The following CSMD1 variants were observed in gnomAD, a reference collection of about 807,000 sequenced individuals.
CSMD1 encodes the protein CUB and Sushi multiple domains 1, also known as CUB and sushi domain-containing protein 1.
A neutral mutation model predicts 417.5 loss-of-function variants in CSMD1; 213 were observed. That is an observed-to-expected ratio of 0.51 (90% CI 0.46 to 0.57). The LOEUF is 0.57. Ranked by LOEUF, CSMD1 falls within the 20% of genes least tolerant of loss-of-function variation. The pLI is 0.00. For synonymous variants in CSMD1, 2,862 were observed against 1,736.8 expected (o/e 1.65, Z -16.11); for missense variants, 6,923 against 4,529.7 (o/e 1.53, Z -15.17).
intron 1 of CSMD1, among the ~76,000 whole-genome samples, chr8:4,846,040 G>C (rs897367430): frequency 6.6e-6 from 1 of 152,136 alleles, no homozygotes; most frequent in African/African-American, 2.4e-5. Context: ...TCCAGAATGA[G>C]CACTTTTGCC....
At chr8:3,211,423 T>G (rs1250793088) in intron 30 of CSMD1, among the ~76,000 whole-genome samples, 1 of 152,204 alleles carries the variant, frequency 6.6e-6, no homozygotes, top group Non-Finnish European at 1.5e-5. Flanking sequence ...GGTCAGTACC[T>G]GTAATGCGTG....
chr8:4,146,761 G>A (rs547949905), intron 3 of CSMD1, among the ~76,000 whole-genome samples: 1 of 149,238 alleles, frequency 6.7e-6, no homozygotes, highest in Non-Finnish European at 1.5e-5. Flanking sequence ...ACAGGCGCCC[G>A]GCACCAGACT....
At chr8:4,595,833 C>A (rs913717692) in intron 2 of CSMD1, among the ~76,000 whole-genome samples, 2 of 152,196 alleles carry the variant, frequency 1.3e-5, no homozygotes, top group Admixed American at 1.3e-4. Context: ...TGTTTTCCTT[C>A]CTGGACACTG....
chr8:3,091,096 A>G (rs1388696174), intron 48 of CSMD1, among the ~76,000 whole-genome samples: 2 of 152,082 alleles, frequency 1.3e-5, no homozygotes, highest in Non-Finnish European at 2.9e-5. Flanking sequence ...AAACATACAT[A>G]AAGAGACCTG....
intron 1 of CSMD1, among the ~76,000 whole-genome samples, chr8:4,983,593 A>G (rs1237312998): frequency 6.6e-6 from 1 of 152,106 alleles, no homozygotes; most frequent in African/African-American, 2.4e-5. Context: ...TGCAATCTCG[A>G]CTGACTGCAA....
chr8:4,215,401 A>C (rs1477766017), intron 3 of CSMD1, among the ~76,000 whole-genome samples: 1 of 152,202 alleles, frequency 6.6e-6, no homozygotes, highest in Admixed American at 6.5e-5. Flanking sequence ...GATTCAGGCA[A>C]AGATACCATG....
intron 68 of CSMD1, among the ~76,000 whole-genome samples, chr8:2,944,312 G>A (rs1014725676): frequency 6.6e-6 from 1 of 152,158 alleles, no homozygotes; most frequent in African/African-American, 2.4e-5. Context: ...AGGGGTTCTA[G>A]AGCCCTGGGG....
chr8:4,018,673 T>G (rs947915137), intron 4 of CSMD1, among the ~76,000 whole-genome samples: 1 of 152,242 alleles, frequency 6.6e-6, no homozygotes, highest in African/African-American at 2.4e-5. Context: ...TTGTAATATT[T>G]GTTTCTCAAT....
Position 4,185,336 on chromosome 8 carries a change from G to C in CSMD1, c.416-153237C>G, listed in dbSNP as rs374623673. ...CCTGTCTTAAAAAGGGCTCACAATAGTTTTGTCACAGGTTTACTATGAAGA... is the reference window on the plus strand; with the variant it reads ...CCTGTCTTAAAAAGGGCTCACAATACTTTTGTCACAGGTTTACTATGAAGA... On this transcript the variant is annotated intron_variant, in intron 3 of 69. Coordinates refer to ENST00000635120, the MANE Select transcript of CSMD1 (RefSeq NM_033225.6). Among the ~76,000 whole-genome samples the C allele has an allele frequency of 7.2e-5, 11 of 152,094 alleles. No individual in the cohort carries two copies. In the East Asian group the frequency reaches 1.7e-3, roughly 24 times the overall value.
At chr8:4,472,768 G>A (rs148406191) in intron 2 of CSMD1, among the ~76,000 whole-genome samples, 1 of 151,762 alleles carries the variant, frequency 6.6e-6, no homozygotes, top group African/African-American at 2.4e-5. Flanking sequence ...AATATAGAAA[G>A]TTATTTTAAA....
At chr8:3,501,897 A>G (rs564666678) in intron 10 of CSMD1, among the ~76,000 whole-genome samples, 8 of 152,346 alleles carry the variant, frequency 5.3e-5, no homozygotes, top group African/African-American at 1.7e-4. Context: ...CTGACCAAAT[A>G]TATCTACCAT....
chr8:3,846,520 G>A (rs1054954927), intron 5 of CSMD1, among the ~76,000 whole-genome samples: 2 of 152,170 alleles, frequency 1.3e-5, no homozygotes, highest in Non-Finnish European at 2.9e-5. Flanking sequence ...TATTTCACAG[G>A]AATGGTGGGT....
At chr8:4,002,726 T>C (rs1815786640) in intron 4 of CSMD1, among the ~76,000 whole-genome samples, 1 of 152,186 alleles carries the variant, frequency 6.6e-6, no homozygotes, top group Non-Finnish European at 1.5e-5. Context: ...TGATTAAATG[T>C]ACATCATAAA....
intron 3 of CSMD1, among the ~76,000 whole-genome samples, chr8:4,337,825 A>G (rs1290049940): frequency 1.3e-5 from 2 of 152,270 alleles, no homozygotes; most frequent in East Asian, 3.9e-4. Flanking sequence ...TAAATCAGGT[A>G]ATTATAAAAC....
intron 1 of CSMD1, among the ~76,000 whole-genome samples, chr8:4,824,488 G>A (rs550797771): frequency 6.6e-6 from 1 of 152,186 alleles, no homozygotes; most frequent in South Asian, 2.1e-4. Flanking sequence ...AAATAGAATG[G>A]TTTTTAAACA....
rs1395189459 is a variant in CSMD1, at chr8:3,031,544, T to C, written c.7661-2031A>G. Among the ~76,000 whole-genome samples the C allele has an allele frequency of 2.0e-5, 3 of 152,008 alleles. No homozygotes were observed. In the East Asian group the frequency reaches 5.8e-4, roughly 29 times the overall value. ...TTCTGCCAAGAATGACTCAACTTTG[T>C]TCTTTCTTTCTTTCTTTGTTGTTTC... On this transcript the variant is annotated intron_variant, in intron 50 of 69. Coordinates refer to ENST00000635120, the MANE Select transcript of CSMD1 (RefSeq NM_033225.6).
At chr8:4,587,727 T>TA (rs1216055145) in intron 2 of CSMD1, among the ~76,000 whole-genome samples, 11 of 152,334 alleles carry the variant, frequency 7.2e-5, no homozygotes, top group Non-Finnish European at 1.3e-4. Context: ...ACACTCTTCA[T>TA]AAAGTAAACA....
intron 6 of CSMD1, among the ~76,000 whole-genome samples, chr8:3,750,343 C>CAT (rs1244035263): frequency 2.0e-5 from 3 of 149,444 alleles, no homozygotes; most frequent in Non-Finnish European, 4.4e-5. Flanking sequence ...TTATATATAT[C>CAT]ATATATATAT....
intron 5 of CSMD1, among the ~76,000 whole-genome samples, chr8:3,918,348 G>A (rs113228215): frequency 0.013 from 1,966 of 151,968 alleles, 30 homozygotes; most frequent in African/African-American, 0.041. Context: ...TACTCCCCAC[G>A]TCCGCATCAA....
Sources: allele counts gnomAD v4.1 joint callset (sites outside exome capture counted in the v4.1 genomes callset), GRCh38; gene constraint gnomAD v4.1.1; transcripts MANE v1.5; gene names NCBI Gene and HGNC (gene_info 2026-07-23, HGNC 2026-07-21).